The following AGBL4 variants were observed in gnomAD, a reference collection of about 807,000 sequenced individuals.
AGBL4 encodes AGBL carboxypeptidase 4, also known as cytosolic carboxypeptidase 6.
Under a neutral mutation model 66.4 loss-of-function variants are expected in AGBL4, and 58 were observed. The observed-to-expected ratio is 0.87, with a 90% CI of 0.71 to 1.09. The LOEUF (loss-of-function observed/expected upper bound fraction) is 1.09. Ranked by LOEUF, AGBL4 falls within the 50% of genes least tolerant of loss-of-function variation. AGBL4 has a pLI of 0.00. For missense variants in AGBL4, 579 were observed against 631.0 expected, an observed-to-expected ratio of 0.92 and a Z score of 0.88; for synonymous variants, 234 against 222.9, an observed-to-expected ratio of 1.05 and a Z score of -0.44.
intron 4 of AGBL4, among the ~76,000 whole-genome samples, chr1:49,087,199 C>A (rs1473111310): frequency 6.6e-6 from 1 of 152,140 alleles, no homozygotes; most frequent in Non-Finnish European, 1.5e-5. Flanking sequence ...TACCTCCCAA[C>A]AACTGCACTA....
intron 4 of AGBL4, among the ~76,000 whole-genome samples, chr1:49,062,319 C>T (rs1644417567): frequency 6.6e-6 from 1 of 152,174 alleles, no homozygotes; most frequent in African/African-American, 2.4e-5. Flanking sequence ...ATTAGCTATG[C>T]CCACTCCTTA....
intron 4 of AGBL4, among the ~76,000 whole-genome samples, chr1:49,121,641 C>T (rs1310341358): frequency 1.3e-5 from 2 of 152,190 alleles, no homozygotes; most frequent in Non-Finnish European, 2.9e-5. Flanking sequence ...GGAGGCGTCT[C>T]CCAGTTAGGC....
intron 10 of AGBL4, among the ~76,000 whole-genome samples, chr1:48,588,656 A>AGT (rs57683318): frequency 0.48 from 70,757 of 147,518 alleles, 17,379 homozygotes; most frequent in Non-Finnish European, 0.54. Flanking sequence ...GAAACAGAGA[A>AGT]GTGTGTGTGT....
At chr1:49,081,784 T>G (rs956335966) in intron 4 of AGBL4, among the ~76,000 whole-genome samples, 19 of 152,150 alleles carry the variant, frequency 1.2e-4, no homozygotes, top group Middle Eastern at 3.2e-3. Context: ...ATACCTCCAA[T>G]AGAAAAGAAA....
chr1:49,224,811 T>C, intron 4 of AGBL4, among the ~76,000 whole-genome samples: 1 of 151,960 alleles, frequency 6.6e-6, no homozygotes, highest in East Asian at 1.9e-4. Flanking sequence ...CAAAAATGGC[T>C]CACTTAAAAA....
At chr1:49,929,663 GAA>G (rs887460095) in intron 1 of AGBL4, among the ~76,000 whole-genome samples, 2 of 143,576 alleles carry the variant, frequency 1.4e-5, no homozygotes, top group African/African-American at 5.1e-5. Flanking sequence ...GTTTCAAGCA[GAA>G]AAAAAAAAGA....
At chr1:49,406,885 G>GAA (rs1325090856) in intron 3 of AGBL4, among the ~76,000 whole-genome samples, 1 of 151,908 alleles carries the variant, frequency 6.6e-6, no homozygotes, top group African/African-American at 2.4e-5. Context: ...CTAACACGGT[G>GAA]AAACCCCGTC....
intron 7 of AGBL4, among the ~76,000 whole-genome samples, chr1:48,661,636 C>T (rs1646109172): frequency 6.6e-6 from 1 of 152,202 alleles, no homozygotes; most frequent in South Asian, 2.1e-4. Flanking sequence ...CTTCAGAGAG[C>T]ACCTGAGATC....
chr1:49,421,015 T>A (rs888176519), intron 3 of AGBL4, among the ~76,000 whole-genome samples: 1 of 152,216 alleles, frequency 6.6e-6, no homozygotes, highest in Non-Finnish European at 1.5e-5. Flanking sequence ...TAGATCACTC[T>A]TATTTCTCAC....
intron 3 of AGBL4, among the ~76,000 whole-genome samples, chr1:49,406,998 G>C (rs1464893883): frequency 6.9e-6 from 1 of 145,956 alleles, no homozygotes; most frequent in Non-Finnish European, 1.5e-5. Context: ...CCGGGAGGTG[G>C]AGCTTGCAGT....
chr1:48,949,180 C>T (rs1320969056), intron 5 of AGBL4, among the ~76,000 whole-genome samples: 1 of 152,058 alleles, frequency 6.6e-6, no homozygotes, highest in Non-Finnish European at 1.5e-5. Context: ...GCCTGGAGTC[C>T]CACATGCCAC....
chr1:48,771,874 GT>G, intron 6 of AGBL4, among the ~76,000 whole-genome samples: 1 of 152,328 alleles, frequency 6.6e-6, no homozygotes, highest in Admixed American at 6.5e-5. Context: ...TCCCCCAAGT[GT>G]GGGGTTTCTT....
chr1:49,282,180 C>T (rs1275574768), intron 3 of AGBL4, among the ~76,000 whole-genome samples: 5 of 152,152 alleles, frequency 3.3e-5, no homozygotes, highest in Admixed American at 6.5e-5. Flanking sequence ...TTACCAGAGG[C>T]GTTCTGTGTT....
chr1:49,640,280 G>A (rs544983245), intron 3 of AGBL4, among the ~76,000 whole-genome samples: 1 of 152,228 alleles, frequency 6.6e-6, no homozygotes, highest in East Asian at 1.9e-4. Context: ...CAAGGTGATG[G>A]GGATTTAAAC....
intron 2 of AGBL4, among the ~76,000 whole-genome samples, chr1:49,805,952 T>A (rs1195080648): frequency 6.6e-6 from 1 of 152,206 alleles, no homozygotes; most frequent in Non-Finnish European, 1.5e-5. Flanking sequence ...TGGCATTTTT[T>A]AAATAGCAGC....
intron 2 of AGBL4, among the ~76,000 whole-genome samples, chr1:49,704,438 T>C (rs925251001): frequency 4.6e-5 from 7 of 152,068 alleles, no homozygotes; most frequent in African/African-American, 1.7e-4. Context: ...GAAAATCTTA[T>C]ACAAAAATTA....
chr1:50,007,549 G>C (rs1222682285), intron 1 of AGBL4, among the ~76,000 whole-genome samples: 1 of 152,114 alleles, frequency 6.6e-6, no homozygotes, highest in African/African-American at 2.4e-5. Flanking sequence ...GATTGGTTGA[G>C]CCCAGGAGTT....
At chr1:49,372,985 C>T (rs1644397706) in intron 3 of AGBL4, among the ~76,000 whole-genome samples, 1 of 151,928 alleles carries the variant, frequency 6.6e-6, no homozygotes, top group African/African-American at 2.4e-5. Flanking sequence ...TTTTGAACTC[C>T]GGGGCTCAAG....
chr1:49,263,280 A>G (rs113794083), intron 3 of AGBL4, among the ~76,000 whole-genome samples: 2 of 152,102 alleles, frequency 1.3e-5, no homozygotes, highest in African/African-American at 4.8e-5. Context: ...CATTGTGCAC[A>G]TGTACCCTAA....
Sources: allele counts gnomAD v4.1 joint callset (sites outside exome capture counted in the v4.1 genomes callset), GRCh38; gene constraint gnomAD v4.1.1; transcripts MANE v1.5; gene names NCBI Gene and HGNC (gene_info 2026-07-23, HGNC 2026-07-21).